KHDRBS2: variants seen among roughly 807,000 people sequenced by gnomAD.
The protein encoded by KHDRBS2 is KH domain-containing, RNA-binding, signal transduction-associated protein 2.
In KHDRBS2, 26 loss-of-function variants were observed where a neutral mutation model predicts 44.3. That is an observed-to-expected ratio of 0.59 (90% CI 0.43 to 0.81). KHDRBS2 has a LOEUF of 0.81. KHDRBS2 is among the 40% of genes least tolerant of loss of function. The pLI, the probability that KHDRBS2 is intolerant of heterozygous loss-of-function variation, is 0.00. For synonymous variants in KHDRBS2, 194 were observed against 151.1 expected, an observed-to-expected ratio of 1.28 and a Z score of -2.08; for missense variants, 476 against 433.1, an observed-to-expected ratio of 1.10 and a Z score of -0.88.
At chr6:61,710,068 T>A (rs754853747) in intron 7 of KHDRBS2, among the ~76,000 whole-genome samples, 2 of 151,720 alleles carry the variant, frequency 1.3e-5, no homozygotes, top group Non-Finnish European at 2.9e-5. Context: ...AAATCACTTG[T>A]TACTTATTAA....
At chr6:62,046,406 A>G (rs1317293564) in intron 3 of KHDRBS2, among the ~76,000 whole-genome samples, 1 of 152,022 alleles carries the variant, frequency 6.6e-6, no homozygotes, top group African/African-American at 2.4e-5. Context: ...AGATAAAAAC[A>G]GATACAGTAA....
At chr6:61,650,095 A>ACTG in the KHDRBS2 span, among the ~76,000 whole-genome samples, 10 of 152,178 alleles carry the variant, frequency 6.6e-5, no homozygotes, top group Admixed American at 3.3e-4. Flanking sequence ...GGGCCTCTGC[A>ACTG]CTGCTATTCT....
At chr6:61,738,352 C>T (rs1216333877) in intron 6 of KHDRBS2, among the ~76,000 whole-genome samples, 1 of 151,962 alleles carries the variant, frequency 6.6e-6, no homozygotes, top group African/African-American at 2.4e-5. Flanking sequence ...TTCATTCCTC[C>T]CTGGAACATG....
chr6:61,645,399 G>A, the KHDRBS2 span, among the ~76,000 whole-genome samples: 2 of 151,324 alleles, frequency 1.3e-5, no homozygotes, highest in African/African-American at 4.9e-5. Context: ...AAAAAAATCT[G>A]TACAACAAAC....
rs563761779 is a variant in KHDRBS2, at chr6:61,760,378, A to G, written c.811-27614T>C. On this transcript the variant is annotated intron_variant, in intron 6 of 8. Coordinates refer to ENST00000281156, the MANE Select transcript of KHDRBS2 (RefSeq NM_152688.4). ...CTGGATGCAGTGGCTCATGCCTGCA[A>G]TCCCAGCACTTTGGGAGGCCAAGGC... Among the ~76,000 whole-genome samples, 4 of 152,350 alleles carry G rather than the reference A, an allele frequency of 2.6e-5. No homozygotes were observed. The East Asian group carries it at 5.8e-4, about 22-fold the overall frequency.
chr6:62,264,932 T>G (rs983950349), intron 1 of KHDRBS2, among the ~76,000 whole-genome samples: 10 of 151,826 alleles, frequency 6.6e-5, no homozygotes, highest in African/African-American at 2.4e-4. Flanking sequence ...ATAGCTAGTA[T>G]CCTGTTTCAC....
intron 3 of KHDRBS2, among the ~76,000 whole-genome samples, chr6:62,041,624 T>C (rs1388644850): frequency 3.3e-5 from 5 of 152,250 alleles, no homozygotes; most frequent in African/African-American, 9.6e-5. Context: ...CAAGTTACTA[T>C]ACAAGTAGCA....
intron 1 of KHDRBS2, among the ~76,000 whole-genome samples, chr6:62,230,210 C>T (rs1052722934): frequency 3.9e-5 from 6 of 152,100 alleles, no homozygotes; most frequent in Admixed American, 3.3e-4. Context: ...AACACTAAAG[C>T]AAGAAATGTT....
intron 2 of KHDRBS2, among the ~76,000 whole-genome samples, chr6:62,079,418 G>A (rs1168558709): frequency 6.6e-6 from 1 of 151,846 alleles, no homozygotes; most frequent in Non-Finnish European, 1.5e-5. Flanking sequence ...TCAGGTTTCA[G>A]CATTTAACAA....
chr6:62,018,269 T>C (rs887040047), intron 3 of KHDRBS2, among the ~76,000 whole-genome samples: 25 of 151,140 alleles, frequency 1.7e-4, no homozygotes, highest in African/African-American at 5.6e-4. Context: ...TTATACTATA[T>C]ATGTGTATAT....
chr6:62,151,163 C>T (rs181888215), intron 2 of KHDRBS2, among the ~76,000 whole-genome samples: 42 of 152,202 alleles, frequency 2.8e-4, no homozygotes, highest in Admixed American at 9.2e-4. Context: ...GATGAATTGC[C>T]GAGATATTTA....
chr6:61,824,358 A>G (rs932647959), intron 6 of KHDRBS2, among the ~76,000 whole-genome samples: 1 of 150,850 alleles, frequency 6.6e-6, no homozygotes, highest in Non-Finnish European at 1.5e-5. Context: ...AGCGTGTAGC[A>G]CTCCCCCTTC....
In KHDRBS2 at chr6:61,681,207, A is replaced by G; in HGVS notation, c.953-147T>C. 4.9e-6 allele frequency: 3 copies of G among 613,284 alleles called. No homozygotes were observed. The South Asian group carries it at 5.9e-5, about 12-fold the overall frequency. 38.0% of individuals were successfully genotyped at this position (613,284 alleles called of 1,614,324 possible). On this transcript the variant is annotated intron_variant, in intron 8 of 8. Transcript: ENST00000281156. ...CCTATTTTTTCCACATCGTGAGACCATCAAAAAAGTGTGTGTATATAAATG... is the reference window on the plus strand; with the variant it reads ...CCTATTTTTTCCACATCGTGAGACCGTCAAAAAAGTGTGTGTATATAAATG...
intron 3 of KHDRBS2, among the ~76,000 whole-genome samples, chr6:62,004,531 C>CA (rs1164513027): frequency 2.6e-5 from 4 of 151,838 alleles, no homozygotes; most frequent in African/African-American, 9.7e-5. Flanking sequence ...GTCTTCCAAC[C>CA]AAAAAAACTC....
chr6:62,212,174 A>G (rs1829168238), intron 1 of KHDRBS2, among the ~76,000 whole-genome samples: 1 of 152,186 alleles, frequency 6.6e-6, no homozygotes, highest in South Asian at 2.1e-4. Flanking sequence ...GTCAAATTCA[A>G]TGTAGAACTT....
the KHDRBS2 span, among the ~76,000 whole-genome samples, chr6:61,555,312 C>T: frequency 6.6e-6 from 1 of 152,092 alleles, no homozygotes; most frequent in South Asian, 2.1e-4. Context: ...TTAATACTTG[C>T]AACCGTATTC....
At chr6:61,621,080 A>G in the KHDRBS2 span, among the ~76,000 whole-genome samples, 1 of 152,160 alleles carries the variant, frequency 6.6e-6, no homozygotes, top group Middle Eastern at 3.2e-3. Flanking sequence ...AAAGGATGCA[A>G]TATGATGGGG....
rs532359647 is a variant in KHDRBS2, at chr6:61,827,796, C to T, written c.810+66839G>A. On this transcript the variant is annotated intron_variant, in intron 6 of 8. Coordinates refer to ENST00000281156, the MANE Select transcript of KHDRBS2 (RefSeq NM_152688.4). Reference sequence around the variant, plus strand: ...AAAGAGACAGCAGGCTCTCTAGTGTCTCTTCTTATAAAGGCACTAATCCCA... The same window carrying T: ...AAAGAGACAGCAGGCTCTCTAGTGTTTCTTCTTATAAAGGCACTAATCCCA... 2.6e-5 allele frequency among the ~76,000 whole-genome samples: 4 copies of T among 152,244 alleles called. No homozygotes were observed. The South Asian group carries it at 8.3e-4, about 32-fold the overall frequency.
chr6:62,003,740 T>C (rs1778699343), intron 3 of KHDRBS2, among the ~76,000 whole-genome samples: 2 of 152,136 alleles, frequency 1.3e-5, no homozygotes, highest in African/African-American at 4.8e-5. Flanking sequence ...ATCACACTTA[T>C]TCCAAAATGG....
Sources: gnomAD v4.1 joint callset for allele counts (sites outside exome capture counted in the v4.1 genomes callset) on GRCh38, gnomAD v4.1.1 for gene constraint, MANE v1.5 for transcripts, NCBI Gene and HGNC (gene_info 2026-07-23, HGNC 2026-07-21) for gene names.